AKR1C3: variants seen among roughly 807,000 people sequenced by gnomAD.
AKR1C3 encodes the protein aldo-keto reductase family 1 member C3.
A neutral mutation model predicts 43.6 loss-of-function variants in AKR1C3; 48 were observed. The ratio of observed to expected loss-of-function variants is 1.10; its 90% CI spans 0.87 to 1.40. The LOEUF (loss-of-function observed/expected upper bound fraction) is 1.40, where lower values mean the gene tolerates loss of function less well. Among genes scored for constraint, AKR1C3 ranks in the 40% most tolerant of loss-of-function variants. The pLI is 0.00. For missense variants in AKR1C3, 482 were observed against 391.2 expected (o/e 1.23, Z -1.96); for synonymous variants, 162 against 139.6 (o/e 1.16, Z -1.13).
At chr10:5,059,444 C>T (rs1838332565) in intron 1 of AKR1C3, among the ~76,000 whole-genome samples, 1 of 152,176 alleles carries the variant, frequency 6.6e-6, no homozygotes, top group Non-Finnish European at 1.5e-5. Context: ...GCAGGGTCAA[C>T]CAACTTGTCA....
chr10:5,106,179 CCTCCTT>C (rs1183120820), intron 8 of AKR1C3, among the ~76,000 whole-genome samples: 1 of 152,086 alleles, frequency 6.6e-6, no homozygotes, highest in Non-Finnish European at 1.5e-5. Context: ...AAATGTTTTT[CCTCCTT>C]CTCCTTGCAT....
At chr10:5,050,599 G>A (rs1838134315) in intron 1 of AKR1C3, among the ~76,000 whole-genome samples, 1 of 152,122 alleles carries the variant, frequency 6.6e-6, no homozygotes. Context: ...AGATACCATT[G>A]TTGATATTTT....
intron 1 of AKR1C3, among the ~76,000 whole-genome samples, chr10:5,058,848 A>C (rs1413234969): frequency 6.6e-6 from 1 of 152,178 alleles, no homozygotes; most frequent in East Asian, 1.9e-4. Flanking sequence ...TGACTGAGAA[A>C]AATCAGATTT....
At chr10:5,086,054 GT>G (rs1372484125) in intron 1 of AKR1C3, among the ~76,000 whole-genome samples, 2 of 151,694 alleles carry the variant, frequency 1.3e-5, no homozygotes, top group East Asian at 1.9e-4. Flanking sequence ...TTTTTGAAGG[GT>G]TTTTTGTGTC....
At position 5,105,591 on chromosome 10, in the gene AKR1C3, A is replaced by G. The variant is rs1226934976; in HGVS notation, c.847-4A>G. On this transcript the variant is annotated splice_region_variant and splice_polypyrimidine_tract_variant and intron_variant, in intron 7 of 8. Coordinates refer to ENST00000380554, the MANE Select transcript of AKR1C3 (RefSeq NM_003739.6). Reference sequence around the variant, plus strand: ...AAATAATAAAAGTTTTTTATTTCTGATAGGTTTTTGAGTTCCAGTTGACTG... The same window carrying G: ...AAATAATAAAAGTTTTTTATTTCTGGTAGGTTTTTGAGTTCCAGTTGACTG... 6.2e-7 allele frequency: 1 copy of G among 1,611,666 alleles called. No individual in the cohort carries two copies. The highest frequency in any genetic ancestry group is 1.7e-5 in the Admixed American group (1 of 59,770).
At chr10:5,083,291 T>C (rs1260728921) in intron 1 of AKR1C3, among the ~76,000 whole-genome samples, 3 of 152,210 alleles carry the variant, frequency 2.0e-5, no homozygotes, top group East Asian at 1.9e-4. Context: ...TGTGTTCTCA[T>C]TGTTCAATTC....
chr10:5,063,789 A>AAAAAAT (rs1838434547), intron 1 of AKR1C3, among the ~76,000 whole-genome samples: 1 of 134,984 alleles, frequency 7.4e-6, no homozygotes, highest in South Asian at 2.4e-4. Context: ...AAAAAAAAAA[A>AAAAAAT]GGAAAATGGC....
In AKR1C3 at chr10:5,104,845, T is replaced by A. The variant is rs112468867; in HGVS notation, c.847-750T>A. ...TAGAACCTCTTGATAACGTTTTCCT[T>A]TTTGTTTTGTGGATTTTCTAATGTG... On this transcript the variant is annotated intron_variant, in intron 7 of 8. Transcript: ENST00000380554. 1.4e-3 allele frequency among the ~76,000 whole-genome samples: 219 copies of A among 152,296 alleles called. 2 individuals are homozygous for A. Among genetic ancestry groups the A allele is most frequent in the African/African-American group, 5.1e-3 (212 of 41,578 alleles).
chr10:5,054,062 C>T (rs1019566882), intron 1 of AKR1C3, among the ~76,000 whole-genome samples: 6 of 152,180 alleles, frequency 3.9e-5, no homozygotes, highest in African/African-American at 1.4e-4. Flanking sequence ...ATTTCAGAAG[C>T]CTTTTCCTGT....
At chr10:5,100,629 T>C (rs1839323268) in intron 5 of AKR1C3, among the ~76,000 whole-genome samples, 2 of 152,342 alleles carry the variant, frequency 1.3e-5, no homozygotes, top group Middle Eastern at 3.4e-3. Flanking sequence ...TTTTATTCTT[T>C]TATACAACTT....
chr10:5,103,333 GTTTAAGTCTTTC>G (rs1198067726), intron 7 of AKR1C3, among the ~76,000 whole-genome samples: 1 of 81,130 alleles, frequency 1.2e-5, no homozygotes, highest in African/African-American at 3.5e-5. Context: ...TGTACTGCCT[GTTTAAGTCTTTC>G]TTTGACTCTT....
Position 5,083,530 on chromosome 10 carries a change from A to G in AKR1C3, c.85-12880A>G, listed in dbSNP as rs554407417. ...CTTTGCTATTGTGAATAGTGCCGCT[A>G]TAAACATACGTGTGCATGTGTCTTT... On this transcript the variant is annotated intron_variant, in intron 1 of 8. Coordinates refer to the AKR1C3 transcript ENST00000439082. 3.9e-5 allele frequency among the ~76,000 whole-genome samples: 6 copies of G among 152,236 alleles called. No individual in the cohort carries two copies. The South Asian group carries it at 1.0e-3, about 26-fold the overall frequency.
intron 1 of AKR1C3, chr10:5,080,705 A>C (rs1433707684): frequency 1.3e-5 from 2 of 152,400 alleles, no homozygotes; most frequent in Admixed American, 6.5e-5. Flanking sequence ...GGATGGAAGG[A>C]TCTTAAGGAA....
At chr10:5,063,114 A>AT (rs1466331056) in intron 1 of AKR1C3, among the ~76,000 whole-genome samples, 1 of 152,190 alleles carries the variant, frequency 6.6e-6, no homozygotes, top group African/African-American at 2.4e-5. Context: ...GAAAACATGT[A>AT]TTTTTGAAAT....
At chr10:5,097,973 C>T (rs996567583) in intron 3 of AKR1C3, 11 of 1,040,840 alleles carry the variant, frequency 1.1e-5, no homozygotes, top group East Asian at 1.0e-4. Context: ...GTGGAAGCCA[C>T]TATGCATGGT....
At chr10:5,073,955 C>A (rs543658151) in intron 1 of AKR1C3, among the ~76,000 whole-genome samples, 2 of 152,252 alleles carry the variant, frequency 1.3e-5, no homozygotes, top group East Asian at 3.9e-4. Context: ...AAGCTGGGAA[C>A]TGCTCAGCAC....
At chr10:5,106,045 C>G (rs1289786397) in intron 8 of AKR1C3, among the ~76,000 whole-genome samples, 1 of 152,222 alleles carries the variant, frequency 6.6e-6, no homozygotes, top group Non-Finnish European at 1.5e-5. Flanking sequence ...TTGTCCCAAA[C>G]CTGCTCAGCT....
At chr10:5,102,359 A>T (rs1839377745) in intron 6 of AKR1C3, 126 bp from the exon 7 acceptor site, 1 of 1,592,432 alleles carries the variant, frequency 6.3e-7, no homozygotes, top group African/African-American at 1.4e-5. Flanking sequence ...GATGATGCTG[A>T]TGGTGATGCT....
rs782015261 is a variant in AKR1C3, at chr10:5,097,422, T to C, written c.253-12T>C. The C allele has an allele frequency of 2.5e-6, 4 of 1,612,690 alleles. No individual in the cohort carries two copies. The Admixed American group carries it at 5.0e-5, about 20-fold the overall frequency. Reference sequence around the variant, plus strand: ...TTCATTCAAAATCACCTCCATTCTTTAACCTCTGCAGCTTTGGTCCACTTT... The same window carrying C: ...TTCATTCAAAATCACCTCCATTCTTCAACCTCTGCAGCTTTGGTCCACTTT... On this transcript the variant is annotated splice_polypyrimidine_tract_variant and intron_variant, in intron 2 of 8. Coordinates refer to ENST00000380554, the MANE Select transcript of AKR1C3 (RefSeq NM_003739.6).
Sources: gnomAD v4.1 joint callset for allele counts (sites outside exome capture counted in the v4.1 genomes callset) on GRCh38, gnomAD v4.1.1 for gene constraint, MANE v1.5 for transcripts, NCBI Gene and HGNC (gene_info 2026-07-23, HGNC 2026-07-21) for gene names.